STAC: variants seen among roughly 807,000 people sequenced by gnomAD.
STAC encodes SH3 and cysteine-rich domain-containing protein.
Under a neutral mutation model 48.8 loss-of-function variants are expected in STAC, and 43 were observed. The observed-to-expected ratio is 0.88, with a 90% CI of 0.69 to 1.14. The LOEUF (loss-of-function observed/expected upper bound fraction) is 1.14, where lower values mean the gene tolerates loss of function less well. Ranked by LOEUF, STAC falls within the 50% of genes most tolerant of loss-of-function variation. The probability of loss-of-function intolerance (pLI) is 0.00; values close to 1 mark genes in which losing one functional copy is unlikely to be tolerated. For synonymous variants in STAC, 193 were observed against 179.5 expected (o/e 1.07, Z -0.60); for missense variants, 497 against 504.0 (o/e 0.99, Z 0.13).
At chr3:36,437,519 C>T (rs558459158) in intron 1 of STAC, among the ~76,000 whole-genome samples, 3 of 150,140 alleles carry the variant, frequency 2.0e-5, no homozygotes, top group African/African-American at 2.5e-5. Context: ...AGTAAACTAC[C>T]GCAAGGACAA....
At chr3:36,431,296 GTCCCTGGGACTGTACACTTTC>G (rs1394993538) in intron 1 of STAC, among the ~76,000 whole-genome samples, 1 of 152,074 alleles carries the variant, frequency 6.6e-6, no homozygotes, top group Non-Finnish European at 1.5e-5. Flanking sequence ...CACCAGTGTG[GTCCCTGGGACTGTACACTTTC>G]TCCCCACTGT....
intron 10 of STAC, among the ~76,000 whole-genome samples, chr3:36,543,111 G>A (rs994545884): frequency 7.2e-5 from 11 of 152,080 alleles, no homozygotes; most frequent in East Asian, 1.9e-4. Context: ...TGAGCAAACC[G>A]AGACAAGTTG....
intron 1 of STAC, among the ~76,000 whole-genome samples, chr3:36,388,052 G>C (rs62245725): frequency 0.079 from 12,070 of 152,058 alleles, 513 homozygotes; most frequent in African/African-American, 0.1. Flanking sequence ...CTCATGTTTA[G>C]TGATGTAGAT....
chr3:36,485,009 C>A lies in STAC; in HGVS notation c.522C>A (p.Pro174=). 1 of 1,604,632 alleles carries A rather than the reference C, an allele frequency of 6.2e-7. No individual in the cohort carries two copies. Among genetic ancestry groups the A allele is most frequent in the South Asian group, 1.1e-5 (1 of 89,114 alleles). Residue 174 remains proline (P), a synonymous_variant, in exon 4 of 11, where the codon CCC becomes CCA. Transcript: ENST00000273183. ...GGTTTCGGCGTTACTACAGCTCCCC[C>A]TTGCTCATTCATGAACAGTTTGGCT... ...PKGFRRYYSS[P]LLIHEQFGCI...
chr3:36,542,220 G>A (rs1699345834), intron 10 of STAC, among the ~76,000 whole-genome samples: 1 of 152,142 alleles, frequency 6.6e-6, no homozygotes, highest in Non-Finnish European at 1.5e-5. Flanking sequence ...CCATGCTGCA[G>A]AGCCCTGATT....
chr3:36,455,217 T>G (rs1173981319), intron 2 of STAC, among the ~76,000 whole-genome samples: 3 of 152,234 alleles, frequency 2.0e-5, no homozygotes, highest in Non-Finnish European at 2.9e-5. Context: ...AAGTTGTGTT[T>G]CATATATTTT....
intron 2 of STAC, among the ~76,000 whole-genome samples, chr3:36,470,115 T>C (rs1299081124): frequency 6.6e-6 from 1 of 152,222 alleles, no homozygotes; most frequent in Non-Finnish European, 1.5e-5. Context: ...TGAGCTGGTA[T>C]GATCTTTTGG....
chr3:36,446,923 C>T (rs929633949), intron 2 of STAC, among the ~76,000 whole-genome samples: 21 of 152,140 alleles, frequency 1.4e-4, no homozygotes, highest in African/African-American at 4.8e-4. Flanking sequence ...ACTTCCATAA[C>T]GGCATCCATT....
rs74692478 is a variant in STAC at position 36,418,710 on chromosome 3, T to A, written c.112-24654T>A. 1.1e-3 allele frequency among the ~76,000 whole-genome samples: 172 copies of A among 151,996 alleles called. 3 individuals carry two copies. The East Asian group carries it at 0.026, about 23-fold the overall frequency. Reference sequence around the variant, plus strand: ...CATGGATTGAAGGATATCAAAGTATTTTACTACTGATTCATTTCTTTCTAT... The same window carrying A: ...CATGGATTGAAGGATATCAAAGTATATTACTACTGATTCATTTCTTTCTAT... On this transcript the variant is annotated intron_variant, in intron 1 of 10. Transcript: ENST00000273183.
chr3:36,544,400 C>CCCCAAGTG (rs1321772181), intron 10 of STAC, among the ~76,000 whole-genome samples: 1 of 152,076 alleles, frequency 6.6e-6, no homozygotes, highest in African/African-American at 2.4e-5. Context: ...GAACTCCTGA[C>CCCCAAGTG]CCCAAGTGAT....
At chr3:36,538,003 T>C (rs1575271787) in intron 10 of STAC, among the ~76,000 whole-genome samples, 2 of 152,126 alleles carry the variant, frequency 1.3e-5, no homozygotes, top group East Asian at 3.9e-4. Flanking sequence ...TGCATTTATT[T>C]TGGAGAAAAT....
intron 1 of STAC, among the ~76,000 whole-genome samples, chr3:36,405,948 C>G (rs1164652966): frequency 1.3e-5 from 2 of 152,138 alleles, no homozygotes; most frequent in African/African-American, 4.8e-5. Flanking sequence ...GTCTTGAACT[C>G]CTGGATTCAA....
chr3:36,490,820 TG>T, intron 5 of STAC, among the ~76,000 whole-genome samples: 1 of 152,330 alleles, frequency 6.6e-6, no homozygotes, highest in East Asian at 1.9e-4. Flanking sequence ...AATATAGCTT[TG>T]TCTTTAGCAA....
At chr3:36,434,963 CA>C (rs1294924318) in intron 1 of STAC, among the ~76,000 whole-genome samples, 3 of 152,190 alleles carry the variant, frequency 2.0e-5, no homozygotes, top group African/African-American at 7.2e-5. Context: ...AAGAGCACAT[CA>C]AGGGTGGGAT....
intron 2 of STAC, among the ~76,000 whole-genome samples, chr3:36,470,413 G>A (rs765203750): frequency 9.2e-5 from 14 of 152,244 alleles, no homozygotes; most frequent in African/African-American, 2.4e-4. Flanking sequence ...GTCCTGTGAC[G>A]TGATCCATCT....
chr3:36,426,040 AAAAACAAAAC>A lies in STAC; in HGVS notation c.112-17304_112-17295del, dbSNP rs371899613. Among the ~76,000 whole-genome samples, 366 of 152,008 alleles carry A rather than the reference AAAAACAAAAC, an allele frequency of 2.4e-3. 4 individuals carry two copies. The highest frequency in any genetic ancestry group is 0.016 in the East Asian group (81 of 5,170). ...GCAAGACCCTCTCTCTCAAAAAACA[AAAAACAAAAC>A]AAAACAAAACAAAACAAAAAAAGAG... On this transcript the variant is annotated intron_variant, in intron 1 of 10. Coordinates refer to ENST00000273183, the MANE Select transcript of STAC (RefSeq NM_003149.3).
intron 1 of STAC, among the ~76,000 whole-genome samples, chr3:36,395,043 A>ATG (rs2050962905): frequency 7.1e-6 from 1 of 141,260 alleles, no homozygotes; most frequent in African/African-American, 2.7e-5. Context: ...ATATATATAT[A>ATG]TCAAAATATT....
chr3:36,522,388 G>A (rs957137986), intron 8 of STAC, among the ~76,000 whole-genome samples: 6 of 152,122 alleles, frequency 3.9e-5, no homozygotes, highest in African/African-American at 1.4e-4. Context: ...TCTAATGGGC[G>A]CTTATCTAAA....
At chr3:36,537,193 G>A (rs1209528967) in intron 10 of STAC, among the ~76,000 whole-genome samples, 1 of 152,174 alleles carries the variant, frequency 6.6e-6, no homozygotes, top group African/African-American at 2.4e-5. Flanking sequence ...CCATTACTGG[G>A]TATATACCTA....
Sources: allele counts gnomAD v4.1 joint callset (sites outside exome capture counted in the v4.1 genomes callset), GRCh38; gene constraint gnomAD v4.1.1; transcripts MANE v1.5; gene names NCBI Gene and HGNC (gene_info 2026-07-23, HGNC 2026-07-21).